Variants in ZHX2 observed in about 807,000 individuals in gnomAD.
ZHX2 encodes the protein zinc fingers and homeoboxes protein 2.
In ZHX2, 6 loss-of-function variants were observed where a neutral mutation model predicts 21.9. The observed-to-expected ratio is 0.27, with a 90% confidence interval of 0.15 to 0.54. The LOEUF (loss-of-function observed/expected upper bound fraction) is 0.54. Among genes scored for constraint, ZHX2 ranks in the 20% least tolerant of loss-of-function variants. ZHX2 has a pLI of 0.95. For synonymous variants in ZHX2, 434 were observed against 437.1 expected, an observed-to-expected ratio of 0.99 and a Z score of 0.09; for missense variants, 908 against 1,090.7, an observed-to-expected ratio of 0.83 and a Z score of 2.36.
chr8:122,967,304 AG>A (rs1416689248), intron 3 of ZHX2, among the ~76,000 whole-genome samples: 13 of 152,176 alleles, frequency 8.5e-5, no homozygotes, highest in Non-Finnish European at 1.9e-4. Context: ...CTGGAACTCA[AG>A]GGCTGCTGTT....
Position 122,951,724 on chromosome 8 carries a change from A to G in ZHX2, c.214A>G (p.Lys72Glu), listed in dbSNP as rs1416134469. 6.2e-7 allele frequency: 1 copy of G among 1,614,132 alleles called. No individual in the cohort carries two copies. The highest frequency in any genetic ancestry group is 8.5e-7 in the Non-Finnish European group (1 of 1,180,018). ...EVKSMGESQS[K>E]KLQGGYECKY... Reference sequence around the variant, plus strand: ...GAAATCTATGGGGGAAAGCCAGTCCAAAAAACTCCAAGGTGGTTATGAGTG... The same window carrying G: ...GAAATCTATGGGGGAAAGCCAGTCCGAAAAACTCCAAGGTGGTTATGAGTG... Residue 72 changes from lysine (K) to glutamate (E), a missense_variant, in exon 3 of 4, where the codon AAA (lysine) becomes GAA (glutamate). Coordinates refer to ENST00000314393, the MANE Select transcript of ZHX2 (RefSeq NM_014943.5).
intron 3 of ZHX2, among the ~76,000 whole-genome samples, chr8:122,970,938 A>C (rs921905064): frequency 2.0e-5 from 3 of 152,236 alleles, no homozygotes; most frequent in Non-Finnish European, 2.9e-5. Context: ...GAGGCTGTGC[A>C]TGACCTGGAC....
At chr8:122,876,753 G>A (rs749304307) in intron 2 of ZHX2, among the ~76,000 whole-genome samples, 22 of 152,290 alleles carry the variant, frequency 1.4e-4, no homozygotes, top group Admixed American at 4.6e-4. Context: ...TTTGCTTCCC[G>A]TCTTGAATCG....
intron 2 of ZHX2, among the ~76,000 whole-genome samples, chr8:122,889,133 G>T (rs1048908480): frequency 6.6e-6 from 1 of 152,072 alleles, no homozygotes; most frequent in Non-Finnish European, 1.5e-5. Flanking sequence ...TCTGTTGATG[G>T]ACATTTAGTT....
At position 122,872,554 on chromosome 8, in the gene ZHX2, A is replaced by G. The variant is rs539753962; in HGVS notation, c.-220+9015A>G. 5.3e-5 allele frequency among the ~76,000 whole-genome samples: 8 copies of G among 152,350 alleles called. No homozygotes were observed. The East Asian group carries it at 1.5e-3, about 29-fold the overall frequency. On this transcript the variant is annotated intron_variant, in intron 2 of 3. Transcript: ENST00000314393. ...CTTCATCCTTCTCTATAGTCCAGCT[A>G]AAACTTTGCCCTAAGTGCCCTGGCC...
intron 2 of ZHX2, among the ~76,000 whole-genome samples, chr8:122,865,420 G>A (rs1207978071): frequency 3.9e-5 from 6 of 152,172 alleles, no homozygotes; most frequent in East Asian, 1.9e-4. Flanking sequence ...GAGCCACCAC[G>A]CCCGGCCGAC....
At position 122,973,939 on chromosome 8, in the gene ZHX2, G is replaced by A. The variant is rs1335481397; in HGVS notation, c.*702G>A. The A allele has an allele frequency of 6.6e-6, 1 of 152,594 alleles. No individual in the cohort carries two copies. Among genetic ancestry groups the A allele is most frequent in the Non-Finnish European group, 1.5e-5 (1 of 68,038 alleles). The allele number at this position is 152,594 out of a possible 1,614,324, so 9.5% of individuals were successfully genotyped here. ...AAGGCTTTCTGAACTGCCAAGAGGGGATCTGGCTTCTCAACTGCTCGGCCT... is the reference window on the plus strand; with the variant it reads ...AAGGCTTTCTGAACTGCCAAGAGGGAATCTGGCTTCTCAACTGCTCGGCCT... On this transcript the variant is annotated 3_prime_UTR_variant, in exon 4 of 4. Transcript: ENST00000314393.
chr8:122,789,390 C>A (rs1275873075), intron 1 of ZHX2, among the ~76,000 whole-genome samples: 1 of 152,226 alleles, frequency 6.6e-6, no homozygotes, highest in African/African-American at 2.4e-5. Flanking sequence ...CCCCACCAGC[C>A]CCTGGGTGTA....
rs1413528329 is a variant in ZHX2, at chr8:122,879,485, A to G, written c.-220+15946A>G. On this transcript the variant is annotated intron_variant, in intron 2 of 3. Coordinates refer to ENST00000314393, the MANE Select transcript of ZHX2 (RefSeq NM_014943.5). ...CTCCCAAAGTGCTGGGATTATAGGT[A>G]TGAGCCACTGCACCGGGCTGGTTTT... Among the ~76,000 whole-genome samples, 6 of 149,684 alleles carry G rather than the reference A, an allele frequency of 4.0e-5. No homozygotes were observed. The East Asian group carries it at 5.8e-4, about 15-fold the overall frequency.
At chr8:122,798,003 C>T (rs956894641) in intron 1 of ZHX2, among the ~76,000 whole-genome samples, 2 of 152,172 alleles carry the variant, frequency 1.3e-5, no homozygotes, top group African/African-American at 4.8e-5. Flanking sequence ...CTGTTGTTCT[C>T]TTCCTCAGAG....
Position 122,933,536 on chromosome 8 carries a change from T to A in ZHX2, c.-219-17756T>A, listed in dbSNP as rs1174119425. On this transcript the variant is annotated intron_variant, in intron 2 of 3. Coordinates refer to ENST00000314393, the MANE Select transcript of ZHX2 (RefSeq NM_014943.5). ...GTGTGCTTGTACATGGTGGCAGCTG[T>A]TACGATTCTTTCCACACGGAGAAAG... Among the ~76,000 whole-genome samples the A allele has an allele frequency of 3.3e-5, 5 of 152,262 alleles. No homozygotes were observed. In the South Asian group the frequency reaches 1.0e-3, roughly 32 times the overall value.
intron 1 of ZHX2, among the ~76,000 whole-genome samples, chr8:122,847,744 G>A (rs1818784877): frequency 6.6e-6 from 1 of 152,178 alleles, no homozygotes; most frequent in Admixed American, 6.5e-5. Context: ...CAAGTTCCTG[G>A]AACGCCTGAG....
Position 122,850,663 on chromosome 8 carries a change from A to G in ZHX2, c.-282-12814A>G, listed in dbSNP as rs552640587. 2.8e-5 allele frequency among the ~76,000 whole-genome samples: 4 copies of G among 141,626 alleles called. No homozygotes were observed. The Admixed American group carries it at 2.8e-4, about 10-fold the overall frequency. 92.9% of individuals were successfully genotyped at this position (141,626 alleles called of 152,430 possible). ...TCAAAAAAAAAAAAAAAAAAATGCC[A>G]CCACTACCTCCCACATGGATCACTG... On this transcript the variant is annotated intron_variant, in intron 1 of 3. Transcript: ENST00000314393.
At chr8:122,807,244 G>A (rs1817842667) in intron 1 of ZHX2, among the ~76,000 whole-genome samples, 1 of 152,084 alleles carries the variant, frequency 6.6e-6, no homozygotes, top group African/African-American at 2.4e-5. Context: ...CATCACTTGG[G>A]CCCTGAATAA....
chr8:122,840,121 A>G (rs538145989), intron 1 of ZHX2, among the ~76,000 whole-genome samples: 1 of 152,280 alleles, frequency 6.6e-6, no homozygotes, highest in African/African-American at 2.4e-5. Context: ...CTTTGTTTAA[A>G]CCAACTTCCT....
chr8:122,815,442 AAGAGAACTAGAATT>A (rs1398116664), intron 1 of ZHX2: 1 of 152,434 alleles, frequency 6.6e-6, no homozygotes, highest in Non-Finnish European at 1.5e-5. Flanking sequence ...GTTTTATAGC[AAGAGAACTAGAATT>A]AGAAGTGGAG....
At chr8:122,950,693 A>G (rs1813088239) in intron 2 of ZHX2, among the ~76,000 whole-genome samples, 1 of 152,104 alleles carries the variant, frequency 6.6e-6, no homozygotes, top group Admixed American at 6.5e-5. Flanking sequence ...TCATCACGTG[A>G]TGAAATAATG....
Position 122,961,272 on chromosome 8 carries a change from C to T in ZHX2, c.*4+7244C>T, listed in dbSNP as rs118012359. Among the ~76,000 whole-genome samples the T allele has an allele frequency of 4.2e-3, 639 of 152,264 alleles. 4 individuals are homozygous for T. The highest frequency in any genetic ancestry group is 0.024 in the Middle Eastern group (7 of 294). ...TCTCTTCTTTTTCTTGTAAGGACAC[C>T]AGTCCTATGAGATTAGGACTTAATT... On this transcript the variant is annotated intron_variant, in intron 3 of 3. Coordinates refer to ENST00000314393, the MANE Select transcript of ZHX2 (RefSeq NM_014943.5).
chr8:122,951,252 T>A, intron 2 of ZHX2, 40 bp from the exon 3 acceptor site: 1 of 451,026 alleles, frequency 2.2e-6, no homozygotes, highest in Non-Finnish European at 4.0e-6. Context: ...TCTTTTGCGT[T>A]GTGAAGAGAC....
Sources: allele counts gnomAD v4.1 joint callset (sites outside exome capture counted in the v4.1 genomes callset), GRCh38; gene constraint gnomAD v4.1.1; transcripts MANE v1.5; gene names NCBI Gene and HGNC (gene_info 2026-07-23, HGNC 2026-07-21).